AADACL3: variants seen among roughly 807,000 people sequenced by gnomAD.
AADACL3 encodes arylacetamide deacetylase like 3, also known as arylacetamide deacetylase-like 3.
Under a neutral mutation model 13.6 loss-of-function variants are expected in AADACL3, and 13 were observed. The ratio of observed to expected loss-of-function variants is 0.95; its 90% CI spans 0.62 to 1.52. The LOEUF is 1.52. Ranked by LOEUF, AADACL3 falls within the 40% of genes most tolerant of loss-of-function variation. The pLI is 0.00. For synonymous variants in AADACL3, 195 were observed against 197.0 expected (o/e 0.99, Z 0.08); for missense variants, 519 against 499.2 (o/e 1.04, Z -0.38).
In AADACL3 at chr1:12,725,498, A is replaced by G. The variant is rs550057700; in HGVS notation, c.726A>G (p.Pro242=). 6 of 1,613,994 alleles carry G rather than the reference A, an allele frequency of 3.7e-6. No homozygotes were observed. The African/African-American group carries it at 8.0e-5, about 22-fold the overall frequency. ...CGTTTCAACAGAGGAAAAACATCCCACTGCTCACCTGGAGTTTCATCTGCT... is the reference window on the plus strand; with the variant it reads ...CGTTTCAACAGAGGAAAAACATCCCGCTGCTCACCTGGAGTTTCATCTGCT... The part of the protein sequence containing the change: ...TPSFQQRKNI[P]LLTWSFICYF... Residue 242 remains proline, a synonymous_variant, in exon 4 of 4, where the codon CCA becomes CCG. Coordinates refer to ENST00000359318, the MANE Select transcript of AADACL3 (RefSeq NM_001103170.3).
At chr1:12,718,547 A>G (rs1447254369) in intron 1 of AADACL3, among the ~76,000 whole-genome samples, 1 of 151,712 alleles carries the variant, frequency 6.6e-6, no homozygotes, top group Non-Finnish European at 1.5e-5. Flanking sequence ...CCCAGGCTGG[A>G]GTGCAATGGC....
chr1:12,718,730 A>G (rs1465359827), intron 1 of AADACL3, among the ~76,000 whole-genome samples: 1 of 152,092 alleles, frequency 6.6e-6, no homozygotes, highest in Admixed American at 6.5e-5. Context: ...TGAACTCCTG[A>G]CCTCAAGTGA....
In AADACL3 at chr1:12,719,622, G is replaced by A. The variant is rs1399898090; in HGVS notation, c.316G>A (p.Ala106Thr). The A allele has an allele frequency of 1.9e-6, 3 of 1,614,122 alleles. No homozygotes were observed. Among genetic ancestry groups the A allele is most frequent in the Non-Finnish European group, 1.7e-6 (2 of 1,180,012 alleles). ...TIPVKLYQPK[A>T]STCTLKPGIV... ...CCCTGTGAAGCTGTACCAACCCAAG[G>A]CATCCACCTGCACCCTGAAGCCTGG... The change falls in exon 2 of 4, where the codon GCA becomes ACA. Residue 106 changes from alanine to threonine, a missense_variant. Ala to Thr is a moderately conservative substitution (Grantham distance 58). Transcript: ENST00000359318.
chr1:12,726,071 G>A lies in AADACL3; in HGVS notation c.*75G>A. 4 of 1,502,988 alleles carry A rather than the reference G, an allele frequency of 2.7e-6. No homozygotes were observed. The highest frequency in any genetic ancestry group is 3.6e-6 in the Non-Finnish European group (4 of 1,117,740). The allele number at this position is 1,502,988 out of a possible 1,614,324, so 93.1% of individuals were successfully genotyped here. A position where few individuals can be genotyped will look rare whatever the true frequency, so the allele number is the denominator to read the frequency against. On this transcript the variant is annotated 3_prime_UTR_variant, in exon 4 of 4. Transcript: ENST00000359318. Reference sequence around the variant, plus strand: ...GCCTCCCACAGGGCTCTCTGTTGCTGATTTAGGTGGTGCATAGTGGGGCTA... The same window carrying A: ...GCCTCCCACAGGGCTCTCTGTTGCTAATTTAGGTGGTGCATAGTGGGGCTA...
At chr1:12,718,359 C>CA (rs781999285) in intron 1 of AADACL3, among the ~76,000 whole-genome samples, 7,448 of 64,364 alleles carry the variant, frequency 0.12, 200 homozygotes, top group African/African-American at 0.16. Context: ...CTCTTCTCTC[C>CA]AAAAAAAAAA....
intron 2 of AADACL3, 76 bp from the exon 3 acceptor site, chr1:12,720,805 GTC>G (rs1638237153): frequency 1.1e-5 from 14 of 1,309,504 alleles, no homozygotes; most frequent in Non-Finnish European, 1.5e-5. Flanking sequence ...CAAGTGCTGT[GTC>G]TGTAGGAAGA....
At position 12,725,691 on chromosome 1, in the gene AADACL3, A is replaced by G; in HGVS notation, c.919A>G (p.Met307Val). ...RGYQLKPHEP[M>V]NEAAYLEVSV... is the part of the protein sequence containing the mutation. ...TTACCAACTGAAGCCCCATGAGCCC[A>G]TGAATGAAGCTGCTTACTTGGAAGT... is the stretch of plus-strand genomic sequence containing the variant. The change falls in exon 4 of 4, where the codon ATG becomes GTG. Residue 307 changes from methionine to valine, a missense_variant. Met to Val is a conservative substitution (Grantham distance 21, BLOSUM62 1). Coordinates refer to ENST00000359318, the MANE Select transcript of AADACL3 (RefSeq NM_001103170.3). 6 of 1,614,178 alleles carry G rather than the reference A, an allele frequency of 3.7e-6. No individual in the cohort carries two copies. The highest frequency in any genetic ancestry group is 5.1e-6 in the Non-Finnish European group (6 of 1,180,022).
rs200064385 is a variant in AADACL3 at position 12,725,370 on chromosome 1, G to A, written c.598G>A (p.Ala200Thr). 848 of 1,614,144 alleles carry A rather than the reference G, an allele frequency of 5.3e-4. 4 individuals carry two copies. In the African/African-American group the frequency reaches 6.1e-3, roughly 12 times the overall value. The change falls in exon 4 of 4, where the codon GCA (alanine) becomes ACA (threonine). Residue 200 changes from alanine (A) to threonine (T), a missense_variant. By Grantham distance (58) the Ala-to-Thr change is moderately conservative. Transcript: ENST00000359318. ...CGDSFGGAIA[A>T]VVCQQLVDRP... is the part of the protein sequence containing the mutation. ...TGACAGTTTCGGAGGGGCAATAGCCGCAGTGGTTTGTCAACAACTTGTGGA... is the reference window on the plus strand; with the variant it reads ...TGACAGTTTCGGAGGGGCAATAGCCACAGTGGTTTGTCAACAACTTGTGGA...
rs1461323036 is a variant in AADACL3, at chr1:12,728,572, T to A, written c.*2576T>A. ...CACATTCTGCCCATGTCTGCGTGGG[T>A]TTTCTCTGAGTTCTCCAGCTTCCTC... On this transcript the variant is annotated 3_prime_UTR_variant, in exon 4 of 4. Coordinates refer to ENST00000359318, the MANE Select transcript of AADACL3 (RefSeq NM_001103170.3). 8 of 152,236 alleles carry A rather than the reference T, an allele frequency of 5.3e-5. No homozygotes were observed. The highest frequency in any genetic ancestry group is 2.9e-5 in the Non-Finnish European group (2 of 68,050). The allele number at this position is 152,236 out of a possible 1,614,324, so 9.4% of individuals were successfully genotyped here.
intron 1 of AADACL3, 39 bp downstream of exon 1, chr1:12,716,383 T>A (rs1208733680): frequency 6.2e-7 from 1 of 1,613,854 alleles, no homozygotes; most frequent in South Asian, 1.1e-5. Flanking sequence ...CAGCTGACCA[T>A]TAAGGAAGGC....
chr1:12,720,783 T>G, intron 2 of AADACL3, 100 bp from the exon 3 acceptor site: 1 of 982,838 alleles, frequency 1.0e-6, no homozygotes, highest in Non-Finnish European at 1.6e-6. Flanking sequence ...GAAAACCTAG[T>G]CGGCATCGGC....
intron 1 of AADACL3, among the ~76,000 whole-genome samples, chr1:12,716,673 A>T (rs1430295274): frequency 6.6e-6 from 1 of 152,188 alleles, no homozygotes; most frequent in African/African-American, 2.4e-5. Flanking sequence ...TTTTATTTTT[A>T]AAATTGAGGT....
intron 2 of AADACL3, 89 bp from the exon 3 acceptor site, chr1:12,720,786 GCATCGGCC>G: frequency 9.8e-7 from 1 of 1,024,182 alleles, no homozygotes; most frequent in South Asian, 1.3e-5. Context: ...AACCTAGTCG[GCATCGGCC>G]CAAGTGCTGT....
At chr1:12,718,990 C>T (rs1269320123) in intron 1 of AADACL3, among the ~76,000 whole-genome samples, 3 of 152,122 alleles carry the variant, frequency 2.0e-5, no homozygotes, top group African/African-American at 4.8e-5. Context: ...TAAAAATTTT[C>T]AGTAGGCATT....
At chr1:12,720,006 T>C (rs1648533887) in intron 2 of AADACL3, among the ~76,000 whole-genome samples, 1 of 152,238 alleles carries the variant, frequency 6.6e-6, no homozygotes, top group Admixed American at 6.5e-5. Context: ...CATATAAATG[T>C]ATACATGTAT....
intron 3 of AADACL3, among the ~76,000 whole-genome samples, chr1:12,721,644 C>T (rs573542958): frequency 2.0e-5 from 3 of 152,178 alleles, no homozygotes; most frequent in Non-Finnish European, 2.9e-5. Context: ...AACCCTGCAC[C>T]TCCTTCTGCT....
At position 12,725,430 on chromosome 1, in the gene AADACL3, C is replaced by T. The variant is rs908829683; in HGVS notation, c.658C>T (p.Leu220=). The T allele has an allele frequency of 1.2e-6, 2 of 1,613,972 alleles. No homozygotes were observed. The highest frequency in any genetic ancestry group is 2.7e-5 in the African/African-American group (2 of 75,042). Residue 220 remains leucine, a synonymous_variant, in exon 4 of 4, where the codon CTG becomes TTG. Coordinates refer to ENST00000359318, the MANE Select transcript of AADACL3 (RefSeq NM_001103170.3). ...TCTGCCCCGGATCCGGGCTCAGATCCTGATCTATGCCATTCTCCAAGCCCT... is the reference window on the plus strand; with the variant it reads ...TCTGCCCCGGATCCGGGCTCAGATCTTGATCTATGCCATTCTCCAAGCCCT... ...PDLPRIRAQI[L]IYAILQALDL...
In AADACL3 at chr1:12,721,609, A is replaced by G. The variant is rs534960404; in HGVS notation, c.449+663A>G. Reference sequence around the variant, plus strand: ...AGTTTCACTGCAGGAACACTTGGACAACATAGCTCTTCTTTGAGTAAAACA... The same window carrying G: ...AGTTTCACTGCAGGAACACTTGGACGACATAGCTCTTCTTTGAGTAAAACA... On this transcript the variant is annotated intron_variant, in intron 3 of 3. Transcript: ENST00000359318. Among the ~76,000 whole-genome samples, 230 of 152,226 alleles carry G rather than the reference A, an allele frequency of 1.5e-3. 1 individual carries two copies. The highest frequency in any genetic ancestry group is 5.2e-3 in the African/African-American group (217 of 41,534).
rs771936930 is a variant in AADACL3, at chr1:12,725,584, C to T, written c.812C>T (p.Ala271Val). ...TGGCAAGAGGTCATCATGAAAGGTG[C>T]CCATTTGCCTGCTGAAGTCTGGGAA... ...SSWQEVIMKG[A>V]HLPAEVWEKY... The change falls in exon 4 of 4, where the codon GCC becomes GTC. Residue 271 changes from alanine to valine, a missense_variant. Ala to Val is a moderately conservative substitution (Grantham distance 64). Transcript: ENST00000359318. 4 of 1,613,928 alleles carry T rather than the reference C, an allele frequency of 2.5e-6. No individual in the cohort carries two copies. The African/African-American group carries it at 4.0e-5, about 16-fold the overall frequency.
Sources: allele counts gnomAD v4.1 joint callset (sites outside exome capture counted in the v4.1 genomes callset), GRCh38; gene constraint gnomAD v4.1.1; transcripts MANE v1.5; gene names NCBI Gene and HGNC (gene_info 2026-07-23, HGNC 2026-07-21).